Variants in SIPA1L2 observed in about 807,000 individuals in gnomAD.
The protein encoded by SIPA1L2 is signal-induced proliferation-associated 1-like protein 2.
Under a neutral mutation model 163.9 loss-of-function variants are expected in SIPA1L2, and 56 were observed. That is an observed-to-expected ratio of 0.34 (90% CI 0.28 to 0.43). The LOEUF (loss-of-function observed/expected upper bound fraction) is 0.43, where lower values mean the gene tolerates loss of function less well. Ranked by LOEUF, SIPA1L2 falls within the 20% of genes least tolerant of loss-of-function variation. The pLI, the probability that SIPA1L2 is intolerant of heterozygous loss-of-function variation, is 1.00. For synonymous variants in SIPA1L2, 877 were observed against 865.7 expected (o/e 1.01, Z -0.23); for missense variants, 1,974 against 2,193.5 (o/e 0.90, Z 2.00).
At chr1:232,622,760 T>G (rs544692574) in intron 1 of SIPA1L2, among the ~76,000 whole-genome samples, 42 of 152,352 alleles carry the variant, frequency 2.8e-4, no homozygotes, top group African/African-American at 9.9e-4. Flanking sequence ...TCACAGGTCA[T>G]TTCAAACGAC....
chr1:232,491,025 A>G lies in SIPA1L2; in HGVS notation c.1655T>C (p.Ile552Thr), dbSNP rs774660385. The change falls in exon 5 of 23, where the codon ATA (isoleucine) becomes ACA (threonine). Residue 552 changes from isoleucine to threonine, a missense_variant. Transcript: ENST00000674635. ...GGTACCATGCCTAGCAGTAGAGGGT[A>G]TAGCATCTTCTAAAATTGCTCCTCT... ...TLRGAILEDA[I>T]PSTARHGTAR... is the part of the protein sequence containing the mutation. The G allele has an allele frequency of 1.2e-6, 2 of 1,613,926 alleles. No homozygotes were observed. Among genetic ancestry groups the G allele is most frequent in the South Asian group, 2.2e-5 (2 of 91,032 alleles).
chr1:232,404,328 T>A (rs190621769), intron 19 of SIPA1L2, 150 bp from the exon 20 acceptor site: 1 of 652,712 alleles, frequency 1.5e-6, no homozygotes, highest in Admixed American at 2.5e-5. Context: ...GTAACTCCAA[T>A]GCAATGAGAT....
chr1:232,453,148 C>A (rs1384586858), intron 10 of SIPA1L2, among the ~76,000 whole-genome samples: 2 of 151,976 alleles, frequency 1.3e-5, no homozygotes, highest in Non-Finnish European at 2.9e-5. Context: ...TATCATTATC[C>A]CATTATTTTA....
chr1:232,487,735 G>A (rs1572971547), intron 5 of SIPA1L2, among the ~76,000 whole-genome samples: 1 of 152,138 alleles, frequency 6.6e-6, no homozygotes, highest in South Asian at 2.1e-4. Context: ...CACAGTGTTT[G>A]ACTCTTCCTT....
In SIPA1L2 at chr1:232,428,545, C is replaced by T. The variant is rs1662038617; in HGVS notation, c.4276G>A (p.Val1426Ile). The stretch of plus-strand genomic sequence containing the variant: ...TGATGCTGAGTTGCTGTGGACATGA[C>T]ATCCATCTCACTATACATCCTGTTG... Reference protein sequence around the residue: ...ECPGMYSEMDVMSTATQHQTV... With the variant: ...ECPGMYSEMDIMSTATQHQTV... The change falls in exon 17 of 23, where the codon GTC becomes ATC. Residue 1426 changes from valine (V) to isoleucine (I), a missense_variant. Physicochemically the swap from Val to Ile is conservative, Grantham distance 29 (BLOSUM62 3). Around this residue, in one of 3 missense-constraint regions of SIPA1L2, gnomAD observed 1,079 missense variants for 1,150.7 expected, o/e 0.94. Transcript: ENST00000674635. The T allele has an allele frequency of 6.3e-7, 1 of 1,580,918 alleles. No homozygotes were observed. Among genetic ancestry groups the T allele is most frequent in the Non-Finnish European group, 8.6e-7 (1 of 1,166,652 alleles).
At chr1:232,527,914 TC>T (rs1203616420) in intron 2 of SIPA1L2, among the ~76,000 whole-genome samples, 1 of 150,506 alleles carries the variant, frequency 6.6e-6, no homozygotes, top group Non-Finnish European at 1.5e-5. Flanking sequence ...TAATTAAAAA[TC>T]CCATTTTCTT....
chr1:232,622,473 T>C (rs1662865047), intron 1 of SIPA1L2, among the ~76,000 whole-genome samples: 1 of 152,212 alleles, frequency 6.6e-6, no homozygotes, highest in Non-Finnish European at 1.5e-5. Context: ...ATCCTTTCTG[T>C]TCAGTAAGCT....
At chr1:232,453,245 G>C (rs77462080) in intron 10 of SIPA1L2, among the ~76,000 whole-genome samples, 2,053 of 152,296 alleles carry the variant, frequency 0.013, 21 homozygotes, top group Non-Finnish European at 0.019. Flanking sequence ...CTAAGGGAAT[G>C]ATGAGTAGCA....
At chr1:232,483,093 A>G (rs1448189542) in intron 6 of SIPA1L2, among the ~76,000 whole-genome samples, 2 of 152,232 alleles carry the variant, frequency 1.3e-5, no homozygotes, top group South Asian at 4.1e-4. Flanking sequence ...CATGAGAAAC[A>G]TGATTATCTA....
At chr1:232,402,113 C>G (rs998351936) in intron 22 of SIPA1L2, among the ~76,000 whole-genome samples, 3 of 152,172 alleles carry the variant, frequency 2.0e-5, no homozygotes, top group African/African-American at 4.8e-5. Context: ...CTAAAAAATG[C>G]TGGCCCACCA....
At chr1:232,559,564 C>T (rs1202318409) in intron 2 of SIPA1L2, among the ~76,000 whole-genome samples, 1 of 152,008 alleles carries the variant, frequency 6.6e-6, no homozygotes, top group African/African-American at 2.4e-5. Flanking sequence ...TAAAAGCACA[C>T]CAAAATGTAT....
chr1:232,550,102 G>C (rs1658286863), intron 2 of SIPA1L2, among the ~76,000 whole-genome samples: 1 of 152,180 alleles, frequency 6.6e-6, no homozygotes, highest in Admixed American at 6.5e-5. Flanking sequence ...ATCCATTTCA[G>C]ATTTTTGTTG....
chr1:232,524,596 A>G (rs12408693), intron 2 of SIPA1L2, among the ~76,000 whole-genome samples: 1,759 of 152,340 alleles, frequency 0.012, 87 homozygotes, highest in Admixed American at 0.095. Flanking sequence ...TACAAGAATG[A>G]AAAATCAGAA....
intron 10 of SIPA1L2, among the ~76,000 whole-genome samples, chr1:232,450,123 G>A (rs1289549778): frequency 6.6e-6 from 1 of 152,106 alleles, no homozygotes; most frequent in Non-Finnish European, 1.5e-5. Flanking sequence ...CATCAGTAAA[G>A]GTTAGTTCTT....
chr1:232,500,921 C>T (rs193143601), intron 3 of SIPA1L2, among the ~76,000 whole-genome samples: 6 of 152,092 alleles, frequency 3.9e-5, no homozygotes, highest in Admixed American at 1.3e-4. Flanking sequence ...TTGTCACAGC[C>T]GCCCTAACCT....
At chr1:232,513,642 G>T (rs972665237) in intron 3 of SIPA1L2, among the ~76,000 whole-genome samples, 9 of 152,252 alleles carry the variant, frequency 5.9e-5, no homozygotes, top group Non-Finnish European at 1.2e-4. Flanking sequence ...ACACATTAAG[G>T]ACTACCCATA....
At chr1:232,468,995 C>G (rs930738528) in intron 8 of SIPA1L2, among the ~76,000 whole-genome samples, 2 of 152,168 alleles carry the variant, frequency 1.3e-5, no homozygotes, top group Admixed American at 6.5e-5. Context: ...CATAACTGCT[C>G]GAGCATTCTG....
intron 17 of SIPA1L2, 100 bp downstream of exon 17, chr1:232,428,311 C>T: frequency 9.7e-7 from 1 of 1,035,146 alleles, no homozygotes. Flanking sequence ...AGAGATGAAG[C>T]ATGTGGGAGT....
chr1:232,563,951 T>C (rs2102752801), intron 2 of SIPA1L2, among the ~76,000 whole-genome samples: 1 of 136,050 alleles, frequency 7.4e-6, no homozygotes, highest in East Asian at 2.1e-4. Context: ...TTTGTTTTTT[T>C]TTTTCGTGTG....
Sources: gnomAD v4.1 joint callset for allele counts (sites outside exome capture counted in the v4.1 genomes callset) on GRCh38, gnomAD v4.1.1 for gene constraint, gnomAD v4.1.1 regional missense constraint, MANE v1.5 for transcripts, NCBI Gene and HGNC (gene_info 2026-07-23, HGNC 2026-07-21) for gene names.